PRLR: variants seen among roughly 807,000 people sequenced by gnomAD.
PRLR encodes the protein hPRL receptor.
A neutral mutation model predicts 40.2 loss-of-function variants in PRLR; 13 were observed. The ratio of observed to expected loss-of-function variants is 0.32; its 90% CI spans 0.21 to 0.51. The LOEUF is 0.51. Among genes scored for constraint, PRLR ranks in the 20% least tolerant of loss-of-function variants. The pLI is 0.97. For missense variants in PRLR, 656 were observed against 747.3 expected, an observed-to-expected ratio of 0.88 and a Z score of 1.42; for synonymous variants, 269 against 278.7, an observed-to-expected ratio of 0.97 and a Z score of 0.35.
At chr5:35,102,125 G>A (rs567483569) in intron 2 of PRLR, among the ~76,000 whole-genome samples, 2 of 152,192 alleles carry the variant, frequency 1.3e-5, no homozygotes, top group East Asian at 1.9e-4. Context: ...ACCACGCCCG[G>A]CCAAACTTTT....
chr5:35,080,752 T>C (rs1164920347), intron 5 of PRLR, among the ~76,000 whole-genome samples: 2 of 152,128 alleles, frequency 1.3e-5, no homozygotes, highest in Non-Finnish European at 2.9e-5. Flanking sequence ...CATATGTTTA[T>C]TGCGGCACTA....
chr5:35,218,787 A>ATT (rs926610261), intron 1 of PRLR, among the ~76,000 whole-genome samples: 1 of 148,252 alleles, frequency 6.7e-6, no homozygotes, highest in Non-Finnish European at 1.5e-5. Flanking sequence ...TCTTTTTTTA[A>ATT]TTTTTTTTTT....
At chr5:35,122,703 G>T (rs1263600934) in intron 1 of PRLR, among the ~76,000 whole-genome samples, 4 of 152,184 alleles carry the variant, frequency 2.6e-5, no homozygotes, top group Non-Finnish European at 5.9e-5. Flanking sequence ...GCAATTTATA[G>T]ACATGCATGT....
intron 2 of PRLR, among the ~76,000 whole-genome samples, chr5:35,091,156 C>T (rs1162673612): frequency 2.0e-5 from 3 of 152,044 alleles, no homozygotes; most frequent in Non-Finnish European, 2.9e-5. Flanking sequence ...TAAAGGATCC[C>T]GGTCCAGTGG....
intron 1 of PRLR, among the ~76,000 whole-genome samples, chr5:35,220,193 G>A (rs1488756991): frequency 6.6e-6 from 1 of 152,162 alleles, no homozygotes; most frequent in Non-Finnish European, 1.5e-5. Context: ...TAGGATGTTA[G>A]GCTCTCAAAG....
At chr5:35,167,178 T>TATCTATC (rs1554053525) in intron 1 of PRLR, among the ~76,000 whole-genome samples, 108 of 150,088 alleles carry the variant, frequency 7.2e-4, no homozygotes, top group African/African-American at 2.5e-3. Flanking sequence ...TCTATCTATC[T>TATCTATC]ATCTATCTAT....
intron 1 of PRLR, among the ~76,000 whole-genome samples, chr5:35,153,758 T>TACAC (rs146437480): frequency 2.8e-5 from 4 of 140,606 alleles, no homozygotes; most frequent in Non-Finnish European, 4.5e-5. Context: ...CTACACACAC[T>TACAC]ACACACACAC....
At chr5:35,137,463 A>T (rs939526410) in intron 1 of PRLR, among the ~76,000 whole-genome samples, 1 of 152,228 alleles carries the variant, frequency 6.6e-6, no homozygotes, top group African/African-American at 2.4e-5. Context: ...TCCTTTGTGG[A>T]CATGCTGGAG....
At position 35,058,441 on chromosome 5, in the gene PRLR, C is replaced by T. The variant is rs1768842432; in HGVS notation, c.*6648G>A. 6.6e-6 allele frequency: 1 copy of T among 152,176 alleles called. No individual in the cohort carries two copies. Among genetic ancestry groups the T allele is most frequent in the South Asian group, 2.1e-4 (1 of 4,836 alleles). The allele number at this position is 152,176 out of a possible 1,614,324, so 9.4% of individuals were successfully genotyped here. On this transcript the variant is annotated 3_prime_UTR_variant, in exon 10 of 10. Coordinates refer to ENST00000618457, the MANE Select transcript of PRLR (RefSeq NM_000949.7). Reference sequence around the variant, plus strand: ...TATGCAAAGAACACTTGAGAAGTGTCAGCAGTCACATGAAACAAAGCCGAG... The same window carrying T: ...TATGCAAAGAACACTTGAGAAGTGTTAGCAGTCACATGAAACAAAGCCGAG...
At chr5:35,139,055 T>G (rs1451974882) in intron 1 of PRLR, among the ~76,000 whole-genome samples, 1 of 152,176 alleles carries the variant, frequency 6.6e-6, no homozygotes, top group Non-Finnish European at 1.5e-5. Flanking sequence ...GAGGGAATAT[T>G]TTCCATGCAG....
intron 1 of PRLR, among the ~76,000 whole-genome samples, chr5:35,140,164 T>C (rs896050384): frequency 6.6e-6 from 1 of 152,244 alleles, no homozygotes; most frequent in Admixed American, 6.5e-5. Context: ...ATGTTCATTA[T>C]AGGCTGGAAG....
chr5:35,131,879 T>C (rs148803031), intron 1 of PRLR, among the ~76,000 whole-genome samples: 1 of 152,322 alleles, frequency 6.6e-6, no homozygotes, highest in African/African-American at 2.4e-5. Context: ...CTTGTTATTC[T>C]TTCTTTAAAG....
rs1768898694 is a variant in PRLR, at chr5:35,059,290, T to G, written c.*5799A>C. 1 of 152,220 alleles carries G rather than the reference T, an allele frequency of 6.6e-6. No homozygotes were observed. Among genetic ancestry groups the G allele is most frequent in the South Asian group, 2.1e-4 (1 of 4,824 alleles). The allele number at this position is 152,220 out of a possible 1,614,324, so 9.4% of individuals were successfully genotyped here. The stretch of plus-strand genomic sequence containing the variant: ...ACTAAGATTATCTGTGGTCTATTTA[T>G]TGACCACACCTTATAAACAGGATAG... On this transcript the variant is annotated 3_prime_UTR_variant, in exon 10 of 10. Transcript: ENST00000618457.
At chr5:35,148,679 C>A (rs531959102) in intron 1 of PRLR, among the ~76,000 whole-genome samples, 44 of 152,238 alleles carry the variant, frequency 2.9e-4, no homozygotes, top group Admixed American at 1.6e-3. Context: ...AATACATGCA[C>A]AATAAATCCT....
intron 1 of PRLR, among the ~76,000 whole-genome samples, chr5:35,165,394 A>C (rs1167970960): frequency 6.6e-6 from 1 of 152,060 alleles, no homozygotes; most frequent in African/African-American, 2.4e-5. Context: ...GCATTGTACC[A>C]ATAGGCAAGG....
chr5:35,121,828 A>T (rs1431649314), intron 1 of PRLR, among the ~76,000 whole-genome samples: 1 of 152,200 alleles, frequency 6.6e-6, no homozygotes, highest in East Asian at 1.9e-4. Flanking sequence ...TGCTCCAACC[A>T]CAATTCCATT....
intron 9 of PRLR, among the ~76,000 whole-genome samples, chr5:35,067,666 C>A (rs185051391): frequency 6.6e-6 from 1 of 152,334 alleles, no homozygotes; most frequent in East Asian, 1.9e-4. Context: ...TCTAACCTCT[C>A]TTTTCATTCA....
chr5:35,208,177 G>GCACACACACA (rs1281536944), intron 1 of PRLR, among the ~76,000 whole-genome samples: 44 of 87,240 alleles, frequency 5.0e-4, no homozygotes, highest in African/African-American at 1.4e-3. Context: ...CCACGCGCGC[G>GCACACACACA]CACACACACA....
rs1015130860 is a variant in PRLR at position 35,107,469 on chromosome 5, T to C, written c.-44+10592A>G. Among the ~76,000 whole-genome samples, 5 of 151,878 alleles carry C rather than the reference T, an allele frequency of 3.3e-5. No individual in the cohort carries two copies. In the East Asian group the frequency reaches 9.7e-4, roughly 29 times the overall value. On this transcript the variant is annotated intron_variant, in intron 2 of 9. Coordinates refer to ENST00000618457, the MANE Select transcript of PRLR (RefSeq NM_000949.7). ...TTTCTGAAAAGATCAACAAAATTGA[T>C]AGACCACTAGCAAGACTAATAAAGA...
Sources: allele counts gnomAD v4.1 joint callset (sites outside exome capture counted in the v4.1 genomes callset), GRCh38; gene constraint gnomAD v4.1.1; transcripts MANE v1.5; gene names NCBI Gene and HGNC (gene_info 2026-07-23, HGNC 2026-07-21).